Variants in DNAJC24 observed in about 807,000 individuals in gnomAD.
The protein encoded by DNAJC24 is DnaJ heat shock protein family (Hsp40) member C24.
Under a neutral mutation model 18.0 loss-of-function variants are expected in DNAJC24, and 17 were observed. That is an observed-to-expected ratio of 0.94 (90% confidence interval 0.65 to 1.42). The LOEUF (loss-of-function observed/expected upper bound fraction) is 1.42, where lower values mean the gene tolerates loss of function less well. Ranked by LOEUF, DNAJC24 falls within the 40% of genes most tolerant of loss-of-function variation. The pLI is 0.00. For missense variants in DNAJC24, 158 were observed against 175.6 expected (o/e 0.90, Z 0.57); for synonymous variants, 55 against 57.7 (o/e 0.95, Z 0.21).
At chr11:31,390,665 C>T (rs528031076) in intron 2 of DNAJC24, among the ~76,000 whole-genome samples, 134 of 148,670 alleles carry the variant, frequency 9.0e-4, no homozygotes, top group Middle Eastern at 3.4e-3. Context: ...AAGATCGCAC[C>T]ACTGCACTCC....
Position 31,392,676 on chromosome 11 carries a change from A to G in DNAJC24, c.111+21817A>G, listed in dbSNP as rs553101711. ...TTGTGAATGAGATTAATGCCCTTAT[A>G]TAAGAGACACCAGAGAAATCCCTCA... On this transcript the variant is annotated intron_variant, in intron 2 of 4. Transcript: ENST00000465995. Among the ~76,000 whole-genome samples, 78 of 151,512 alleles carry G rather than the reference A, an allele frequency of 5.1e-4. 1 individual carries two copies. Among genetic ancestry groups the G allele is most frequent in the Middle Eastern group, 6.8e-3 (2 of 292 alleles).
intron 2 of DNAJC24, among the ~76,000 whole-genome samples, chr11:31,399,556 G>A (rs1952577817): frequency 6.6e-6 from 1 of 151,650 alleles, no homozygotes; most frequent in African/African-American, 2.4e-5. Flanking sequence ...TGGGAGTACA[G>A]GCGCACGCCA....
At chr11:31,383,360 A>C (rs905345693) in intron 2 of DNAJC24, among the ~76,000 whole-genome samples, 1 of 152,120 alleles carries the variant, frequency 6.6e-6, no homozygotes, top group African/African-American at 2.4e-5. Flanking sequence ...TCATTCCATT[A>C]GCATACAAAA....
At chr11:31,394,974 C>T (rs1952531339) in intron 2 of DNAJC24, among the ~76,000 whole-genome samples, 1 of 152,126 alleles carries the variant, frequency 6.6e-6, no homozygotes, top group South Asian at 2.1e-4. Context: ...TATTTTGTCA[C>T]TCAGGTGATA....
Position 31,430,603 on chromosome 11 carries a change from T to C in DNAJC24, c.*202T>C, listed in dbSNP as rs1408109949. 1.1e-5 allele frequency: 3 copies of C among 264,044 alleles called. No homozygotes were observed. Among genetic ancestry groups the C allele is most frequent in the Non-Finnish European group, 2.0e-5 (3 of 147,480 alleles). 16.4% of individuals were successfully genotyped at this position (264,044 alleles called of 1,614,324 possible). A position where few individuals can be genotyped will look rare whatever the true frequency, so the allele number is the denominator to read the frequency against. On this transcript the variant is annotated 3_prime_UTR_variant, in exon 5 of 5. Transcript: ENST00000465995. ...TGTATTTATAATTTATATTTACAAG[T>C]TGTCACAAAAATAGATTTGATTATA...
At chr11:31,424,011 G>GA (rs1224310528) in intron 3 of DNAJC24, among the ~76,000 whole-genome samples, 15 of 152,140 alleles carry the variant, frequency 9.9e-5, no homozygotes, top group African/African-American at 3.6e-4. Flanking sequence ...TAGAATAATA[G>GA]AAAGGGTTGC....
rs139698085 is a variant in DNAJC24 at position 31,375,394 on chromosome 11, A to C, written c.111+4535A>C. ...ACATTTCATGATATTTCTCTAAGAC[A>C]GGGGAGGTATAGCTGTTAGATAAGG... On this transcript the variant is annotated intron_variant, in intron 2 of 4. Transcript: ENST00000465995. Among the ~76,000 whole-genome samples, 970 of 135,164 alleles carry C rather than the reference A, an allele frequency of 7.2e-3. 91 individuals are homozygous for C. The highest frequency in any genetic ancestry group is 0.023 in the African/African-American group (925 of 40,368). The allele number at this position is 135,164 out of a possible 152,430, so 88.7% of individuals were successfully genotyped here.
At position 31,431,531 on chromosome 11, in the gene DNAJC24, G is replaced by C. The variant is rs901382686; in HGVS notation, c.*1130G>C. 2 of 150,842 alleles carry C rather than the reference G, an allele frequency of 1.3e-5. No homozygotes were observed. Among genetic ancestry groups the C allele is most frequent in the African/African-American group, 4.9e-5 (2 of 41,112 alleles). 9.3% of individuals were successfully genotyped at this position (150,842 alleles called of 1,614,324 possible). On this transcript the variant is annotated 3_prime_UTR_variant, in exon 5 of 5. Coordinates refer to ENST00000465995, the MANE Select transcript of DNAJC24 (RefSeq NM_181706.5). ...TTTGGAGTGTTGATATAATATTGGG[G>C]CCAGGCATGGTGGCTCACATCTGTA...
At chr11:31,377,137 G>A (rs1056707196) in intron 2 of DNAJC24, among the ~76,000 whole-genome samples, 1 of 152,010 alleles carries the variant, frequency 6.6e-6, no homozygotes, top group African/African-American at 2.4e-5. Context: ...TTTGTAAAAA[G>A]GCACACGTAT....
intron 2 of DNAJC24, among the ~76,000 whole-genome samples, chr11:31,412,682 T>A (rs770605303): frequency 1.3e-4 from 20 of 152,338 alleles, no homozygotes; most frequent in Non-Finnish European, 2.8e-4. Flanking sequence ...TCTCCAGTGC[T>A]TATATTAGTT....
intron 3 of DNAJC24, chr11:31,415,800 T>C (rs1952747027): frequency 6.6e-6 from 1 of 152,258 alleles, no homozygotes; most frequent in South Asian, 2.1e-4. Context: ...TAGTCGCTTA[T>C]TGAATCCCCT....
At position 31,387,512 on chromosome 11, in the gene DNAJC24, A is replaced by G. The variant is rs912629306; in HGVS notation, c.111+16653A>G. Among the ~76,000 whole-genome samples the G allele has an allele frequency of 5.3e-5, 8 of 152,206 alleles. No homozygotes were observed. In the East Asian group the frequency reaches 1.3e-3, roughly 26 times the overall value. On this transcript the variant is annotated intron_variant, in intron 2 of 4. Coordinates refer to ENST00000465995, the MANE Select transcript of DNAJC24 (RefSeq NM_181706.5). Reference sequence around the variant, plus strand: ...CCAAGATCACCAAGGCAGTAACTCTACAAGTCTGTAAGAGCCACAGCATTA... The same window carrying G: ...CCAAGATCACCAAGGCAGTAACTCTGCAAGTCTGTAAGAGCCACAGCATTA...
chr11:31,385,629 A>G (rs1952421133), intron 2 of DNAJC24, among the ~76,000 whole-genome samples: 1 of 152,224 alleles, frequency 6.6e-6, no homozygotes, highest in Non-Finnish European at 1.5e-5. Flanking sequence ...TAAGTAAACT[A>G]ACACAAAGAT....
chr11:31,395,487 G>A (rs1296364022), intron 2 of DNAJC24, among the ~76,000 whole-genome samples: 1 of 152,124 alleles, frequency 6.6e-6, no homozygotes, highest in Non-Finnish European at 1.5e-5. Context: ...TTCCACAGTA[G>A]CTGAACTTAT....
intron 4 of DNAJC24, chr11:31,426,595 C>A: frequency 2.9e-6 from 1 of 343,726 alleles, no homozygotes; most frequent in Admixed American, 4.6e-5. Context: ...ATGTTAGGAA[C>A]ATAAAGTTTC....
intron 3 of DNAJC24, among the ~76,000 whole-genome samples, chr11:31,422,511 G>A (rs951916287): frequency 6.6e-6 from 1 of 152,102 alleles, no homozygotes; most frequent in Non-Finnish European, 1.5e-5. Context: ...CTCTAAATCA[G>A]TTTATGTTTT....
At chr11:31,423,762 C>T (rs2133504377) in intron 3 of DNAJC24, among the ~76,000 whole-genome samples, 1 of 152,252 alleles carries the variant, frequency 6.6e-6, no homozygotes, top group South Asian at 2.1e-4. Flanking sequence ...ATAATCAGGT[C>T]AACATACAGA....
intron 3 of DNAJC24, chr11:31,417,372 C>A (rs972759140): frequency 6.6e-6 from 1 of 151,854 alleles, no homozygotes; most frequent in Non-Finnish European, 1.5e-5. Context: ...ATTTTTTCTT[C>A]TTGACTCAGC....
chr11:31,399,729 AC>A (rs1952581348), intron 2 of DNAJC24, among the ~76,000 whole-genome samples: 2 of 115,854 alleles, frequency 1.7e-5, no homozygotes, highest in Middle Eastern at 5.4e-3. Flanking sequence ...TTTTTTTTTA[AC>A]TGTTTTTTCT....
Sources: allele counts gnomAD v4.1 joint callset (sites outside exome capture counted in the v4.1 genomes callset), GRCh38; gene constraint gnomAD v4.1.1; transcripts MANE v1.5; gene names NCBI Gene and HGNC (gene_info 2026-07-23, HGNC 2026-07-21).